FGF14: variants seen among roughly 807,000 people sequenced by gnomAD.
The protein encoded by FGF14 is fibroblast growth factor homologous factor 4.
FGF14 carries 5 observed loss-of-function variants against 25.5 expected under a neutral mutation model. The observed-to-expected ratio is 0.20, with a 90% CI of 0.10 to 0.41. The LOEUF is 0.41. FGF14 is among the 10% of genes least tolerant of loss of function. The probability of loss-of-function intolerance (pLI) is 1.00; values close to 1 mark genes in which losing one functional copy is unlikely to be tolerated. For synonymous variants in FGF14, 138 were observed against 118.3 expected, an observed-to-expected ratio of 1.17 and a Z score of -1.08; for missense variants, 222 against 320.1, an observed-to-expected ratio of 0.69 and a Z score of 2.34.
intron 1 of FGF14, among the ~76,000 whole-genome samples, chr13:101,923,265 AAAGAT>A (rs1177141340): frequency 6.6e-6 from 1 of 152,108 alleles, no homozygotes; most frequent in East Asian, 1.9e-4. Context: ...CTCCAAAATT[AAAGAT>A]AAAATATGAA....
At chr13:101,973,331 TATAAAG>T (rs1383080383) in intron 1 of FGF14, among the ~76,000 whole-genome samples, 7 of 152,230 alleles carry the variant, frequency 4.6e-5, no homozygotes, top group Admixed American at 1.3e-4. Context: ...GAACACCATG[TATAAAG>T]ATAAATATTT....
In FGF14 at chr13:102,349,696, G is replaced by A. The variant is rs1001722798; in HGVS notation, c.208+51775C>T. ...GCTGAGAAGTGAATTTTTCTAGAAA[G>A]AAAGTTAAAAACCCTGAGCATGTTT... On this transcript the variant is annotated intron_variant, in intron 1 of 4. Transcript: ENST00000376131. 7.9e-5 allele frequency among the ~76,000 whole-genome samples: 12 copies of A among 152,200 alleles called. No homozygotes were observed. The East Asian group carries it at 1.9e-3, about 24-fold the overall frequency.
At chr13:102,026,314 C>A (rs1380755799) in intron 1 of FGF14, among the ~76,000 whole-genome samples, 1 of 151,664 alleles carries the variant, frequency 6.6e-6, no homozygotes, top group Non-Finnish European at 1.5e-5. Flanking sequence ...GGTATATATT[C>A]TTTTTATATG....
At chr13:102,368,920 GAAT>G (rs1260236972) in intron 1 of FGF14, among the ~76,000 whole-genome samples, 6 of 152,106 alleles carry the variant, frequency 3.9e-5, no homozygotes, top group Admixed American at 6.5e-5. Context: ...AAATAAACAT[GAAT>G]AATAATAATT....
chr13:102,255,287 C>T (rs960563874), intron 1 of FGF14, among the ~76,000 whole-genome samples: 3 of 152,162 alleles, frequency 2.0e-5, no homozygotes, highest in Admixed American at 6.5e-5. Flanking sequence ...AACCATCTTT[C>T]GGTATCAAGT....
intron 1 of FGF14, among the ~76,000 whole-genome samples, chr13:102,122,531 G>A (rs2045773121): frequency 6.6e-6 from 1 of 152,172 alleles, no homozygotes. Context: ...TCTTCATCTT[G>A]TTGTTAAAGC....
intron 1 of FGF14, among the ~76,000 whole-genome samples, chr13:102,299,087 T>C (rs555388481): frequency 5.9e-5 from 9 of 152,262 alleles, no homozygotes; most frequent in African/African-American, 1.2e-4. Context: ...TTTTTCTACA[T>C]TGGTAGAAAA....
intron 1 of FGF14, among the ~76,000 whole-genome samples, chr13:101,946,528 A>G (rs1172563565): frequency 1.3e-5 from 2 of 152,214 alleles, no homozygotes; most frequent in African/African-American, 4.8e-5. Context: ...TGGTTGATCC[A>G]GTAGTTCCAC....
chr13:101,856,915 A>C (rs1358818591), intron 3 of FGF14, among the ~76,000 whole-genome samples: 1 of 152,024 alleles, frequency 6.6e-6, no homozygotes, highest in Non-Finnish European at 1.5e-5. Flanking sequence ...TCTCTTTTGC[A>C]CGTGGTCTAC....
At chr13:101,973,909 A>G (rs532566834) in intron 1 of FGF14, among the ~76,000 whole-genome samples, 1 of 152,298 alleles carries the variant, frequency 6.6e-6, no homozygotes, top group East Asian at 1.9e-4. Flanking sequence ...GATGTTATTC[A>G]GTTTATTTGC....
At chr13:101,875,653 C>A (rs1034001234) in intron 1 of FGF14, among the ~76,000 whole-genome samples, 1 of 152,034 alleles carries the variant, frequency 6.6e-6, no homozygotes, top group Admixed American at 6.6e-5. Flanking sequence ...AAGAATTTTG[C>A]AAACTGGTGA....
At chr13:102,155,120 C>A (rs1004984861) in intron 1 of FGF14, among the ~76,000 whole-genome samples, 1 of 152,190 alleles carries the variant, frequency 6.6e-6, no homozygotes, top group African/African-American at 2.4e-5. Context: ...AGAAAGTTAA[C>A]AAGGATATCC....
At chr13:101,818,322 A>G (rs1566937723) in intron 3 of FGF14, among the ~76,000 whole-genome samples, 2 of 152,156 alleles carry the variant, frequency 1.3e-5, no homozygotes, top group African/African-American at 2.4e-5. Context: ...CATACTATAC[A>G]TTTTGCTATC....
rs2056416665 is a variant in FGF14 at position 102,326,125 on chromosome 13, A to G, written c.208+75346T>C. On this transcript the variant is annotated intron_variant, in intron 1 of 4. Coordinates refer to the FGF14 transcript ENST00000376131. Reference sequence around the variant, plus strand: ...TGTTCAATTCAAATTTTAAAGCATAACCTCAAATAATAACTAAATGAAATT... The same window carrying G: ...TGTTCAATTCAAATTTTAAAGCATAGCCTCAAATAATAACTAAATGAAATT... Among the ~76,000 whole-genome samples, 2 of 152,200 alleles carry G rather than the reference A, an allele frequency of 1.3e-5. 1 individual carries two copies. The highest frequency in any genetic ancestry group is 4.1e-4 in the South Asian group (2 of 4,838).
intron 1 of FGF14, among the ~76,000 whole-genome samples, chr13:102,020,857 G>C (rs1257511172): frequency 1.3e-5 from 2 of 151,728 alleles, no homozygotes; most frequent in East Asian, 2.0e-4. Flanking sequence ...GCAGCAGCAT[G>C]ATGACCAAAT....
upstream of FGF14, among the ~76,000 whole-genome samples, chr13:101,919,111 T>C (rs75051849): frequency 3.5e-4 from 54 of 152,266 alleles, 1 homozygote; most frequent in East Asian, 9.3e-3. Context: ...AAGATGTCTA[T>C]AGAGAGATGA....
chr13:101,914,740 C>T (rs985356823), intron 1 of FGF14, among the ~76,000 whole-genome samples: 2 of 152,130 alleles, frequency 1.3e-5, no homozygotes, highest in Non-Finnish European at 2.9e-5. Context: ...AAGAAATACA[C>T]ACAAGTTTTA....
intron 1 of FGF14, among the ~76,000 whole-genome samples, chr13:102,315,359 C>T (rs2055971818): frequency 6.6e-6 from 1 of 152,166 alleles, no homozygotes; most frequent in African/African-American, 2.4e-5. Flanking sequence ...GACAGTAGAG[C>T]AGTTCCCTGA....
chr13:102,142,043 A>G lies in FGF14; in HGVS notation c.208+259428T>C, dbSNP rs562895380. ...GGGAAATAAGAAATATCAATGGTTC[A>G]TAAGATTTTAGACACAAATAATAAA... On this transcript the variant is annotated intron_variant, in intron 1 of 4. Coordinates refer to the FGF14 transcript ENST00000376131. 9.2e-5 allele frequency among the ~76,000 whole-genome samples: 14 copies of G among 152,340 alleles called. No homozygotes were observed. The East Asian group carries it at 1.5e-3, about 17-fold the overall frequency.
Sources: allele counts gnomAD v4.1 joint callset (sites outside exome capture counted in the v4.1 genomes callset), GRCh38; gene constraint gnomAD v4.1.1; transcripts MANE v1.5; gene names NCBI Gene and HGNC (gene_info 2026-07-23, HGNC 2026-07-21).